Variants in NUP160 observed in about 807,000 individuals in gnomAD.
The protein encoded by NUP160 is nuclear pore complex protein Nup160.
In NUP160, 94 loss-of-function variants were observed where a neutral mutation model predicts 196.9. The ratio of observed to expected loss-of-function variants is 0.48; its 90% CI spans 0.40 to 0.57. The LOEUF (loss-of-function observed/expected upper bound fraction) is 0.57. NUP160 is among the 20% of genes least tolerant of loss of function. The pLI, the probability that NUP160 is intolerant of heterozygous loss-of-function variation, is 0.00. For synonymous variants in NUP160, 605 were observed against 619.7 expected (o/e 0.98, Z 0.35); for missense variants, 1,638 against 1,748.3 (o/e 0.94, Z 1.13).
chr11:47,782,590 A>G (rs1599301332), intron 34 of NUP160, among the ~76,000 whole-genome samples: 1 of 151,522 alleles, frequency 6.6e-6, no homozygotes, highest in Non-Finnish European at 1.5e-5. Flanking sequence ...ATCTTGTGTA[A>G]TTTATTGAAT....
At position 47,836,890 on chromosome 11, in the gene NUP160, G is replaced by T; in HGVS notation, c.939C>A (p.Tyr313Ter). Residue 313 changes from tyrosine to a stop codon, truncating the protein, a stop_gained, in exon 6 of 36, where the codon TAC becomes TAA. Coordinates refer to ENST00000378460, the Ensembl canonical transcript of NUP160. LOFTEE classifies it high-confidence loss of function. ...CAACTATAAATGTAGCACTTACCTT[G>T]TAAGACCACATTCGTAGTTTATGAT... The T allele has an allele frequency of 1.3e-6, 2 of 1,573,046 alleles. No individual in the cohort carries two copies. Among genetic ancestry groups the T allele is most frequent in the Non-Finnish European group, 1.8e-6 (2 of 1,142,810 alleles).
At chr11:47,816,371 A>G (rs1190149813) in intron 11 of NUP160, among the ~76,000 whole-genome samples, 1 of 152,228 alleles carries the variant, frequency 6.6e-6, no homozygotes. Context: ...AAGCCTCAGA[A>G]GGCATTTCTG....
chr11:47,793,741 T>G (rs1293571470), intron 27 of NUP160, among the ~76,000 whole-genome samples: 5 of 139,708 alleles, frequency 3.6e-5, no homozygotes, highest in East Asian at 2.1e-4. Flanking sequence ...TTTTTTTTTT[T>G]TTTTTTTTTT....
At chr11:47,829,453 G>A (rs940709767) in intron 7 of NUP160, among the ~76,000 whole-genome samples, 1 of 152,064 alleles carries the variant, frequency 6.6e-6, no homozygotes, top group African/African-American at 2.4e-5. Flanking sequence ...TTACAGGCAC[G>A]TGCCACCATG....
intron 7 of NUP160, among the ~76,000 whole-genome samples, chr11:47,830,030 A>G (rs1042807952): frequency 6.6e-6 from 1 of 152,224 alleles, no homozygotes; most frequent in African/African-American, 2.4e-5. Flanking sequence ...TGAAAGGCAA[A>G]CAACCTCATT....
intron 9 of NUP160, among the ~76,000 whole-genome samples, chr11:47,820,714 G>A (rs1420219021): frequency 2.0e-5 from 3 of 152,038 alleles, no homozygotes; most frequent in Non-Finnish European, 4.4e-5. Context: ...ACCACGCCCG[G>A]CTAATTTTTG....
At chr11:47,797,856 C>A in exon 27 of NUP160, 1 of 1,612,466 alleles carries the variant, frequency 6.2e-7, no homozygotes, top group Non-Finnish European at 8.5e-7. Flanking sequence ...GTCCACAGCT[C>A]TAGCACGTGA....
intron 9 of NUP160, among the ~76,000 whole-genome samples, chr11:47,819,663 A>G (rs561328428): frequency 6.6e-6 from 1 of 152,256 alleles, no homozygotes; most frequent in South Asian, 2.1e-4. Context: ...TTTGCTTACC[A>G]TGTTTTAATA....
rs1164772188 is a variant in NUP160, at chr11:47,782,289, T to TAAAAAAA, written c.4116+777_4116+783dup. ...CTTGGGCAACAGAGCAAAACTCAGT[T>TAAAAAAA]AAAAAAAAAAAAAAATATATATATA... On this transcript the variant is annotated intron_variant, in intron 34 of 35. Coordinates refer to ENST00000378460, the Ensembl canonical transcript of NUP160. Among the ~76,000 whole-genome samples, 12 of 31,874 alleles carry TAAAAAAA rather than the reference T, an allele frequency of 3.8e-4. 2 individuals carry two copies. Among genetic ancestry groups the TAAAAAAA allele is most frequent in the African/African-American group, 3.2e-3 (7 of 2,162 alleles). 20.9% of individuals were successfully genotyped at this position (31,874 alleles called of 152,430 possible).
In NUP160 at chr11:47,840,096, A is replaced by G. The variant is rs758264164; in HGVS notation, c.526-31T>C. On this transcript the variant is annotated intron_variant, in intron 3 of 35. Transcript: ENST00000378460. ...GAGTAATTAAAAAGAAAAATCTATT[A>G]AATCAAAATAACCAGAATTTTGCTC... 2.6e-6 allele frequency: 4 copies of G among 1,533,026 alleles called. No homozygotes were observed. The East Asian group carries it at 6.8e-5, about 26-fold the overall frequency. 95.0% of individuals were successfully genotyped at this position (1,533,026 alleles called of 1,614,324 possible). A position where few individuals can be genotyped will look rare whatever the true frequency, so the allele number is the denominator to read the frequency against.
exon 36 of NUP160, chr11:47,778,857 A>G: frequency 3.0e-6 from 1 of 337,734 alleles, no homozygotes; most frequent in East Asian, 5.2e-5. Flanking sequence ...ACTCTAAAAA[A>G]GCTCGTGAAT....
At chr11:47,796,280 T>C in intron 27 of NUP160, 1 of 668,280 alleles carries the variant, frequency 1.5e-6, no homozygotes, top group Admixed American at 2.0e-5. Context: ...AGCTGTGGAC[T>C]CACAAATTTT....
intron 2 of NUP160, among the ~76,000 whole-genome samples, chr11:47,841,945 C>T (rs1408048001): frequency 7.9e-5 from 12 of 152,000 alleles, no homozygotes; most frequent in Non-Finnish European, 1.6e-4. Context: ...GTGCTACCTG[C>T]CTCGGCCTCC....
At chr11:47,798,629 G>A (rs2097672294) in intron 23 of NUP160, among the ~76,000 whole-genome samples, 166 bp from the exon 24 acceptor site, 1 of 151,992 alleles carries the variant, frequency 6.6e-6, no homozygotes. Context: ...CTCAAGGCCA[G>A]CCTGGGCAAT....
intron 20 of NUP160, among the ~76,000 whole-genome samples, chr11:47,805,043 G>A (rs1233617484): frequency 7.2e-5 from 11 of 152,200 alleles, no homozygotes; most frequent in Admixed American, 3.9e-4. Context: ...CTGGTGTACC[G>A]CAGAACACAG....
intron 27 of NUP160, 44 bp downstream of exon 27, chr11:47,797,734 AC>A (rs2097671658): frequency 7.4e-7 from 1 of 1,357,144 alleles, no homozygotes; most frequent in Non-Finnish European, 1.1e-6. Context: ...ACATGATTAA[AC>A]TAATAAGGCT....
chr11:47,817,474 GTAGCTGGGA>G (rs1851762132), intron 11 of NUP160, among the ~76,000 whole-genome samples: 1 of 151,466 alleles, frequency 6.6e-6, no homozygotes. Flanking sequence ...AGCCTCCCGA[GTAGCTGGGA>G]CTATAGGCGT....
intron 20 of NUP160, among the ~76,000 whole-genome samples, chr11:47,805,526 G>A (rs2097677018): frequency 6.7e-6 from 1 of 148,470 alleles, no homozygotes; most frequent in Non-Finnish European, 1.5e-5. Context: ...CTCACTGCAA[G>A]CTCCGCCTCC....
At chr11:47,803,953 G>C (rs187339366) in intron 21 of NUP160, among the ~76,000 whole-genome samples, 4 of 152,116 alleles carry the variant, frequency 2.6e-5, no homozygotes, top group Admixed American at 2.0e-4. Flanking sequence ...TGGGGAGACG[G>C]GTGGATCACC....
Sources: gnomAD v4.1 joint callset for allele counts (sites outside exome capture counted in the v4.1 genomes callset) on GRCh38, gnomAD v4.1.1 for gene constraint, MANE v1.5 for transcripts, NCBI Gene and HGNC (gene_info 2026-07-23, HGNC 2026-07-21) for gene names.